The following CTNND2 variants were observed in gnomAD, a reference collection of about 807,000 sequenced individuals.
CTNND2 encodes catenin delta-2.
Under a neutral mutation model 144.4 loss-of-function variants are expected in CTNND2, and 22 were observed. The observed-to-expected ratio is 0.15, with a 90% CI of 0.11 to 0.22. The LOEUF (loss-of-function observed/expected upper bound fraction) is 0.22. Among genes scored for constraint, CTNND2 ranks in the 10% least tolerant of loss-of-function variants. The pLI, the probability that CTNND2 is intolerant of heterozygous loss-of-function variation, is 1.00. For missense variants in CTNND2, 1,353 were observed against 1,618.8 expected (o/e 0.84, Z 2.82); for synonymous variants, 751 against 695.6 (o/e 1.08, Z -1.25).
chr5:11,696,966 C>T (rs1425239597), intron 2 of CTNND2, among the ~76,000 whole-genome samples: 1 of 152,154 alleles, frequency 6.6e-6, no homozygotes, highest in African/African-American at 2.4e-5. Flanking sequence ...TCACACTATC[C>T]ATGCTATTTT....
chr5:11,080,336 A>T (rs1246630095), intron 16 of CTNND2, among the ~76,000 whole-genome samples: 1 of 152,206 alleles, frequency 6.6e-6, no homozygotes, highest in Non-Finnish European at 1.5e-5. Flanking sequence ...GATGCAGAGA[A>T]AGAGAAACCC....
chr5:11,605,623 GAAT>G (rs1780004392), intron 2 of CTNND2, among the ~76,000 whole-genome samples: 1 of 152,092 alleles, frequency 6.6e-6, no homozygotes, highest in Non-Finnish European at 1.5e-5. Flanking sequence ...ACCCTATCTA[GAAT>G]AATAGGAGTC....
chr5:11,545,009 C>T (rs985378518), intron 3 of CTNND2, among the ~76,000 whole-genome samples: 24 of 151,532 alleles, frequency 1.6e-4, no homozygotes, highest in African/African-American at 5.8e-4. Flanking sequence ...GTAATCCCAG[C>T]TACTTGGGAG....
intron 16 of CTNND2, among the ~76,000 whole-genome samples, chr5:11,032,861 G>C (rs1417391884): frequency 6.6e-6 from 1 of 152,202 alleles, no homozygotes; most frequent in Non-Finnish European, 1.5e-5. Context: ...AGGATACTTA[G>C]GAAGACTGTG....
At chr5:11,787,300 C>G (rs1006487288) in intron 1 of CTNND2, among the ~76,000 whole-genome samples, 3 of 152,174 alleles carry the variant, frequency 2.0e-5, no homozygotes, top group African/African-American at 4.8e-5. Flanking sequence ...TACTAAATGT[C>G]TCCAATTATG....
At chr5:11,391,418 A>G (rs1163592765) in intron 6 of CTNND2, among the ~76,000 whole-genome samples, 1 of 152,202 alleles carries the variant, frequency 6.6e-6, no homozygotes, top group Non-Finnish European at 1.5e-5. Flanking sequence ...AAATGCTTAC[A>G]GTCATATTTA....
intron 2 of CTNND2, among the ~76,000 whole-genome samples, chr5:11,667,272 G>A (rs1783619938): frequency 6.6e-6 from 1 of 152,038 alleles, no homozygotes; most frequent in Non-Finnish European, 1.5e-5. Flanking sequence ...AATCCTTTGG[G>A]TATATACCCA....
At chr5:11,241,993 G>C (rs1165692850) in intron 9 of CTNND2, among the ~76,000 whole-genome samples, 2 of 151,722 alleles carry the variant, frequency 1.3e-5, no homozygotes, top group East Asian at 3.9e-4. Flanking sequence ...CTCTGAAGGG[G>C]ATGGGGGCCT....
At chr5:11,787,541 G>A (rs1309057653) in intron 1 of CTNND2, among the ~76,000 whole-genome samples, 1 of 152,144 alleles carries the variant, frequency 6.6e-6, no homozygotes, top group Non-Finnish European at 1.5e-5. Context: ...CATTTGTAAT[G>A]TTACCTTTTT....
intron 1 of CTNND2, among the ~76,000 whole-genome samples, chr5:11,821,669 G>A (rs1420927144): frequency 6.6e-6 from 1 of 152,110 alleles, no homozygotes; most frequent in Non-Finnish European, 1.5e-5. Context: ...GGCAGGCCAT[G>A]TTCCCCACTG....
In CTNND2 at chr5:11,068,155, A is replaced by G. The variant is rs529407436; in HGVS notation, c.2788+14541T>C. ...TTTAATAATTATAAAATATTTCCAA[A>G]TTGGAAGAACACAGTTTTCCAAAAG... On this transcript the variant is annotated intron_variant, in intron 16 of 21. Coordinates refer to ENST00000304623, the MANE Select transcript of CTNND2 (RefSeq NM_001332.4). Among the ~76,000 whole-genome samples the G allele has an allele frequency of 3.9e-5, 6 of 152,338 alleles. No individual in the cohort carries two copies. In the South Asian group the frequency reaches 1.2e-3, roughly 32 times the overall value.
intron 16 of CTNND2, among the ~76,000 whole-genome samples, chr5:11,079,640 C>T (rs1749336427): frequency 6.6e-6 from 1 of 152,196 alleles, no homozygotes; most frequent in Non-Finnish European, 1.5e-5. Context: ...AGTTCCCTCT[C>T]CAGGGCCTTT....
intron 20 of CTNND2, 26 bp from the exon 21 acceptor site, chr5:10,981,872 T>C: frequency 6.3e-7 from 1 of 1,587,430 alleles, no homozygotes; most frequent in Non-Finnish European, 8.6e-7. Flanking sequence ...AAACAAAAGT[T>C]TAGCAAAGAA....
At chr5:11,863,453 C>T (rs1354388351) in intron 1 of CTNND2, among the ~76,000 whole-genome samples, 1 of 152,168 alleles carries the variant, frequency 6.6e-6, no homozygotes, top group Non-Finnish European at 1.5e-5. Flanking sequence ...GTAAGCATTA[C>T]ATGGACAGCT....
intron 12 of CTNND2, among the ~76,000 whole-genome samples, chr5:11,156,817 TAAGA>T (rs1368225208): frequency 6.6e-6 from 1 of 151,972 alleles, no homozygotes; most frequent in Non-Finnish European, 1.5e-5. Flanking sequence ...GAATTTGAAG[TAAGA>T]AAGAAGGGAG....
intron 1 of CTNND2, among the ~76,000 whole-genome samples, chr5:11,732,952 C>T (rs1787475164): frequency 6.6e-6 from 1 of 152,118 alleles, no homozygotes; most frequent in South Asian, 2.1e-4. Context: ...CATAAAACCC[C>T]AGAGGACTGG....
chr5:11,742,898 T>G (rs1318659625), intron 1 of CTNND2, among the ~76,000 whole-genome samples: 1 of 152,188 alleles, frequency 6.6e-6, no homozygotes, highest in Non-Finnish European at 1.5e-5. Flanking sequence ...ACCTCATTTG[T>G]GTAATCACTC....
chr5:11,341,850 A>T lies in CTNND2; in HGVS notation c.1628+4522T>A, dbSNP rs188860176. On this transcript the variant is annotated intron_variant, in intron 9 of 21. Transcript: ENST00000304623. ...CAGCAAGACCCCTTCTCTAAAAAAA[A>T]TAATAAAAACAATTTAACCAGGCTT... Among the ~76,000 whole-genome samples the T allele has an allele frequency of 1.6e-3, 242 of 152,226 alleles. 1 individual carries two copies. The highest frequency in any genetic ancestry group is 6.8e-3 in the Middle Eastern group (2 of 294).
chr5:11,139,594 C>G (rs1340036651), intron 12 of CTNND2, among the ~76,000 whole-genome samples: 1 of 152,174 alleles, frequency 6.6e-6, no homozygotes, highest in African/African-American at 2.4e-5. Flanking sequence ...TGCTAGACCT[C>G]GTGTCCTGCT....
Sources: gnomAD v4.1 joint callset for allele counts (sites outside exome capture counted in the v4.1 genomes callset) on GRCh38, gnomAD v4.1.1 for gene constraint, MANE v1.5 for transcripts, NCBI Gene and HGNC (gene_info 2026-07-23, HGNC 2026-07-21) for gene names.